LHFPL2: variants seen among roughly 807,000 people sequenced by gnomAD.
The protein encoded by LHFPL2 is LHFPL tetraspan subfamily member 2, also known as LHFPL tetraspan subfamily member 2 protein.
In LHFPL2, 7 loss-of-function variants were observed where a neutral mutation model predicts 17.5. That is an observed-to-expected ratio of 0.40 (90% CI 0.23 to 0.75). The LOEUF (loss-of-function observed/expected upper bound fraction) is 0.75. Among genes scored for constraint, LHFPL2 ranks in the 30% least tolerant of loss-of-function variants. The probability of loss-of-function intolerance (pLI) is 0.37; values close to 1 mark genes in which losing one functional copy is unlikely to be tolerated. For synonymous variants in LHFPL2, 134 were observed against 116.2 expected, an observed-to-expected ratio of 1.15 and a Z score of -0.99; for missense variants, 241 against 294.8, an observed-to-expected ratio of 0.82 and a Z score of 1.34.
In LHFPL2 at chr5:78,503,686, G is replaced by A. The variant is rs149922691; in HGVS notation, c.430+6098C>T. 4.0e-3 allele frequency among the ~76,000 whole-genome samples: 583 copies of A among 145,818 alleles called. 6 individuals are homozygous for A. The highest frequency in any genetic ancestry group is 0.014 in the African/African-American group (559 of 41,136). On this transcript the variant is annotated intron_variant, in intron 4 of 4. Coordinates refer to ENST00000380345, the MANE Select transcript of LHFPL2 (RefSeq NM_005779.3). ...GCACTCCAGCCTGGGCAATAAGAGCGAAACTCCATCTCAAAAACAAACAAA... is the reference window on the plus strand; with the variant it reads ...GCACTCCAGCCTGGGCAATAAGAGCAAAACTCCATCTCAAAAACAAACAAA...
At chr5:78,590,754 G>A (rs77023321) in intron 2 of LHFPL2, among the ~76,000 whole-genome samples, 2 of 152,146 alleles carry the variant, frequency 1.3e-5, no homozygotes, top group African/African-American at 4.8e-5. Context: ...ATCCATGCTG[G>A]AACATTTAGT....
chr5:78,644,642 G>T, intron 1 of LHFPL2: 1 of 347,832 alleles, frequency 2.9e-6, no homozygotes, highest in Non-Finnish European at 5.6e-6. Context: ...CTTTCATAAT[G>T]GGTCTTGTCC....
intron 4 of LHFPL2, among the ~76,000 whole-genome samples, chr5:78,499,934 A>T (rs1754721053): frequency 6.6e-6 from 1 of 152,146 alleles, no homozygotes; most frequent in African/African-American, 2.4e-5. Flanking sequence ...GAACAATTTA[A>T]GGCTCACTAT....
intron 4 of LHFPL2, among the ~76,000 whole-genome samples, chr5:78,503,550 T>C (rs1754837686): frequency 6.6e-6 from 1 of 152,006 alleles, no homozygotes; most frequent in Non-Finnish European, 1.5e-5. Flanking sequence ...TACCAAAAAT[T>C]AGCCAGGCAT....
intron 2 of LHFPL2, among the ~76,000 whole-genome samples, chr5:78,593,374 C>T (rs1743713218): frequency 6.6e-6 from 1 of 152,050 alleles, no homozygotes; most frequent in Admixed American, 6.5e-5. Context: ...GACATCTTTC[C>T]ACCTCTTGTT....
Position 78,510,134 on chromosome 5 carries a change from G to A in LHFPL2, c.80C>T (p.Ala27Val), listed in dbSNP as rs754914665. ...SIVVAFAELI[A>V]FMSADWLIGK... The stretch of plus-strand genomic sequence containing the variant: ...GATCAGCCAGTCTGCACTCATGAAG[G>A]CAATGAGCTCGGCAAAAGCCACCAC... Residue 27 changes from alanine to valine, a missense_variant, in exon 4 of 5, where the codon GCC becomes GTC. Transcript: ENST00000380345. 4 of 1,613,024 alleles carry A rather than the reference G, an allele frequency of 2.5e-6. No individual in the cohort carries two copies. The highest frequency in any genetic ancestry group is 1.7e-5 in the Admixed American group (1 of 59,954).
At chr5:78,572,736 G>A (rs915032832) in intron 2 of LHFPL2, among the ~76,000 whole-genome samples, 4 of 151,940 alleles carry the variant, frequency 2.6e-5, no homozygotes, top group Non-Finnish European at 4.4e-5. Flanking sequence ...TAACAGATAC[G>A]GAGTTTAATA....
At chr5:78,628,266 A>T (rs565457789) in intron 2 of LHFPL2, among the ~76,000 whole-genome samples, 35 of 152,240 alleles carry the variant, frequency 2.3e-4, no homozygotes, top group African/African-American at 8.4e-4. Flanking sequence ...AATTAGATAA[A>T]ATGACCCCCT....
At chr5:78,594,253 C>A (rs554579294) in intron 2 of LHFPL2, among the ~76,000 whole-genome samples, 3 of 152,326 alleles carry the variant, frequency 2.0e-5, no homozygotes, top group East Asian at 3.9e-4. Context: ...AGCATGTTAA[C>A]TCTGTTCCCC....
At chr5:78,610,590 C>T (rs1744387908) in intron 2 of LHFPL2, among the ~76,000 whole-genome samples, 1 of 152,132 alleles carries the variant, frequency 6.6e-6, no homozygotes, top group Admixed American at 6.5e-5. Flanking sequence ...CCCAGGACAC[C>T]AGCACATACG....
At position 78,536,221 on chromosome 5, in the gene LHFPL2, C is replaced by T. The variant is rs189982645; in HGVS notation, c.-185-25823G>A. Among the ~76,000 whole-genome samples the T allele has an allele frequency of 2.2e-3, 333 of 152,216 alleles. 1 individual carries two copies. The highest frequency in any genetic ancestry group is 7.6e-3 in the African/African-American group (317 of 41,532). ...TTCGGGGCTGGGGAGGGGAGGATGCCGTACCAAGTGGGGCTTGGCCGTGGC... is the reference window on the plus strand; with the variant it reads ...TTCGGGGCTGGGGAGGGGAGGATGCTGTACCAAGTGGGGCTTGGCCGTGGC... On this transcript the variant is annotated intron_variant, in intron 3 of 4. Transcript: ENST00000380345.
chr5:78,523,492 T>C (rs146121964), intron 3 of LHFPL2, among the ~76,000 whole-genome samples: 8 of 152,090 alleles, frequency 5.3e-5, no homozygotes, highest in African/African-American at 1.9e-4. Context: ...GCTATCTGCC[T>C]GAGACAGGCA....
intron 4 of LHFPL2, among the ~76,000 whole-genome samples, chr5:78,501,578 AG>A (rs2112306275): frequency 6.6e-6 from 1 of 152,318 alleles, no homozygotes; most frequent in South Asian, 2.1e-4. Flanking sequence ...TTAAGTTAGA[AG>A]AGATGAGGTC....
intron 3 of LHFPL2, among the ~76,000 whole-genome samples, chr5:78,552,994 GA>G (rs748201431): frequency 2.7e-4 from 41 of 152,154 alleles, no homozygotes; most frequent in Non-Finnish European, 4.4e-4. Flanking sequence ...TTGTTCCTAC[GA>G]TGGCAGGATG....
At chr5:78,502,040 C>T (rs775553694) in intron 4 of LHFPL2, among the ~76,000 whole-genome samples, 4 of 151,908 alleles carry the variant, frequency 2.6e-5, no homozygotes, top group Non-Finnish European at 4.4e-5. Flanking sequence ...TGCTGTTTCC[C>T]CAGAGAAATC....
At chr5:78,492,963 A>G (rs1754495616) in intron 4 of LHFPL2, among the ~76,000 whole-genome samples, 1 of 152,162 alleles carries the variant, frequency 6.6e-6, no homozygotes, top group African/African-American at 2.4e-5. Flanking sequence ...CCCAGTGCCC[A>G]TCACAGTTAT....
At chr5:78,638,961 A>G (rs1046177001) in intron 1 of LHFPL2, among the ~76,000 whole-genome samples, 2 of 152,236 alleles carry the variant, frequency 1.3e-5, no homozygotes, top group Non-Finnish European at 2.9e-5. Context: ...GGCAGTTATT[A>G]AGTTTTTAAA....
chr5:78,539,699 C>T (rs1756049770), intron 3 of LHFPL2, among the ~76,000 whole-genome samples: 3 of 152,116 alleles, frequency 2.0e-5, no homozygotes, highest in African/African-American at 7.2e-5. Context: ...GACAGGCTGC[C>T]CACATCAGCA....
rs1364629354 is a variant in LHFPL2, at chr5:78,509,815, G to A, written c.399C>T (p.Phe133=). The A allele has an allele frequency of 6.2e-7, 1 of 1,613,384 alleles. No homozygotes were observed. Among genetic ancestry groups the A allele is most frequent in the Non-Finnish European group, 8.5e-7 (1 of 1,179,452 alleles). The change falls in exon 4 of 5, where the codon TTC becomes TTT. Residue 133 remains phenylalanine (F), a synonymous_variant. Coordinates refer to ENST00000380345, the MANE Select transcript of LHFPL2 (RefSeq NM_005779.3). ...TTCCTTGCAACAGCCCACAGACATT[G>A]AAGATGCTTTTCTTCATGATGCTCT... ...CVQSIMKKSI[F]NVCGLLQGIA...
Sources: allele counts gnomAD v4.1 joint callset (sites outside exome capture counted in the v4.1 genomes callset), GRCh38; gene constraint gnomAD v4.1.1; transcripts MANE v1.5; gene names NCBI Gene and HGNC (gene_info 2026-07-23, HGNC 2026-07-21).